RNF215: variants seen among roughly 807,000 people sequenced by gnomAD.
RNF215 encodes the protein ring finger protein 215.
RNF215 carries 41 observed loss-of-function variants against 44.8 expected under a neutral mutation model. That is an observed-to-expected ratio of 0.92 (90% CI 0.71 to 1.19). The LOEUF (loss-of-function observed/expected upper bound fraction) is 1.19, where lower values mean the gene tolerates loss of function less well. Among genes scored for constraint, RNF215 ranks in the 50% most tolerant of loss-of-function variants. The pLI is 0.00. For missense variants in RNF215, 452 were observed against 496.2 expected, an observed-to-expected ratio of 0.91 and a Z score of 0.85; for synonymous variants, 218 against 230.1, an observed-to-expected ratio of 0.95 and a Z score of 0.48.
Position 30,387,269 on chromosome 22 carries a change from A to G in RNF215, c.45T>C (p.Pro15=), listed in dbSNP as rs886712490. Reference sequence around the variant, plus strand: ...GCAGCGGAGACGGAGGCGGCGGCGGAGGCGGCGGCGGCGATCTCAGCGCGG... The same window carrying G: ...GCAGCGGAGACGGAGGCGGCGGCGGGGGCGGCGGCGGCGATCTCAGCGCGG... ...ARPALRSPPP[P]PPPPPSPLLL... is the part of the protein sequence containing the mutation. The change falls in exon 1 of 9, where the codon CCT becomes CCC. Residue 15 remains proline (P), a synonymous_variant. Transcript: ENST00000382363. 1.9e-6 allele frequency: 2 copies of G among 1,053,006 alleles called. No homozygotes were observed. The highest frequency in any genetic ancestry group is 2.3e-6 in the Non-Finnish European group (2 of 873,222). 65.2% of individuals were successfully genotyped at this position (1,053,006 alleles called of 1,614,324 possible).
At chr22:30,383,458 T>C (rs1933555054) in intron 5 of RNF215, among the ~76,000 whole-genome samples, 1 of 151,952 alleles carries the variant, frequency 6.6e-6, no homozygotes, top group Non-Finnish European at 1.5e-5. Flanking sequence ...GCCAGAGAGG[T>C]GAAACTCCCA....
chr22:30,384,425 A>G lies in RNF215; in HGVS notation c.658T>C (p.Leu220=), dbSNP rs1448905247. The G allele has an allele frequency of 6.2e-7, 1 of 1,614,032 alleles. No individual in the cohort carries two copies. Among genetic ancestry groups the G allele is most frequent in the Non-Finnish European group, 8.5e-7 (1 of 1,179,984 alleles). The change falls in exon 5 of 9, where the codon TTG becomes CTG. Residue 220 remains leucine (L), a synonymous_variant. Transcript: ENST00000382363. ...LSANIEWKLT[L]WTTCGLSKDG... Reference sequence around the variant, plus strand: ...TTGGAGAGGCCACAGGTGGTCCACAAGGTCAACTTCCACTCGATATTGGCA... The same window carrying G: ...TTGGAGAGGCCACAGGTGGTCCACAGGGTCAACTTCCACTCGATATTGGCA...
chr22:30,384,427 G>C lies in RNF215; in HGVS notation c.656C>G (p.Thr219Ser). The C allele has an allele frequency of 6.2e-7, 1 of 1,614,048 alleles. No individual in the cohort carries two copies. The highest frequency in any genetic ancestry group is 8.5e-7 in the Non-Finnish European group (1 of 1,179,976). Residue 219 changes from threonine (T) to serine (S), a missense_variant, in exon 5 of 9, where the codon ACC (threonine) becomes AGC (serine). Physicochemically the swap from Thr to Ser is moderately conservative, Grantham distance 58. Transcript: ENST00000382363. Reference sequence around the variant, plus strand: ...GGAGAGGCCACAGGTGGTCCACAAGGTCAACTTCCACTCGATATTGGCAGA... The same window carrying C: ...GGAGAGGCCACAGGTGGTCCACAAGCTCAACTTCCACTCGATATTGGCAGA... Reference protein sequence around the residue: ...SLSANIEWKLTLWTTCGLSKD... With the variant: ...SLSANIEWKLSLWTTCGLSKD...
At position 30,379,400 on chromosome 22, in the gene RNF215, GC is replaced by G. The variant is rs147043290; in HGVS notation, c.*199del. The G allele has an allele frequency of 5.4e-4, 344 of 640,392 alleles. No individual in the cohort carries two copies. The highest frequency in any genetic ancestry group is 4.0e-3 in the African/African-American group (220 of 54,766). 39.7% of individuals were successfully genotyped at this position (640,392 alleles called of 1,614,324 possible). A position where few individuals can be genotyped will look rare whatever the true frequency, so the allele number is the denominator to read the frequency against. ...TCTCTTCCTTGACTGACAGGTCCCA[GC>G]CCTAGATCCTCAGTCTGAAGCTGTG... On this transcript the variant is annotated 3_prime_UTR_variant, in exon 9 of 9. Transcript: ENST00000382363.
chr22:30,379,699 C>G lies in RNF215; in HGVS notation c.1111+12G>C, dbSNP rs1323291318. On this transcript the variant is annotated intron_variant, in intron 8 of 8. Coordinates refer to ENST00000382363, the MANE Select transcript of RNF215 (RefSeq NM_001017981.2). Reference sequence around the variant, plus strand: ...GCAGAGTAGGCCGAGGGACCCCACCCCTGGTGCTCACCCAGGACGTTGAAT... The same window carrying G: ...GCAGAGTAGGCCGAGGGACCCCACCGCTGGTGCTCACCCAGGACGTTGAAT... 3.9e-6 allele frequency: 6 copies of G among 1,554,072 alleles called. No individual in the cohort carries two copies. The highest frequency in any genetic ancestry group is 5.2e-6 in the Non-Finnish European group (6 of 1,148,416).
intron 7 of RNF215, 42 bp from the exon 8 acceptor site, chr22:30,379,855 G>A (rs780941236): frequency 1.9e-6 from 3 of 1,557,304 alleles, no homozygotes; most frequent in Non-Finnish European, 2.6e-6. Context: ...ACCGAAGCAG[G>A]ACTCCACGTG....
At chr22:30,379,917 G>A (rs1054532915) in intron 7 of RNF215, 104 bp from the exon 8 acceptor site, 14 of 1,512,722 alleles carry the variant, frequency 9.3e-6, no homozygotes, top group East Asian at 4.5e-5. Context: ...GAAACCTCAC[G>A]GCTTCCCCCA....
chr22:30,380,568 T>C lies in RNF215; in HGVS notation c.745-167A>G, dbSNP rs149777844. ...TCTGAAGGCTCCGTCTCTTCCATTG[T>C]GTGCTTCTCAGGATCACTCACTCTG... On this transcript the variant is annotated intron_variant, in intron 5 of 8. Transcript: ENST00000382363. This position sits in a 1 kb window ranked among gnomAD's most constrained non-coding sequence, Gnocchi z 5.3. 6.6e-6 allele frequency among the ~76,000 whole-genome samples: 1 copy of C among 152,128 alleles called. No homozygotes were observed. The highest frequency in any genetic ancestry group is 1.9e-4 in the East Asian group (1 of 5,168).
chr22:30,382,439 C>T (rs1933542844), intron 5 of RNF215, among the ~76,000 whole-genome samples: 1 of 151,908 alleles, frequency 6.6e-6, no homozygotes, highest in African/African-American at 2.4e-5. Context: ...GACAGAATAC[C>T]CTTGAATGCC....
intron 2 of RNF215, 128 bp downstream of exon 2, chr22:30,386,488 G>C: frequency 8.5e-7 from 1 of 1,177,378 alleles, no homozygotes; most frequent in Non-Finnish European, 1.2e-6. Context: ...TCAAACTGGG[G>C]TGCCCTGACC....
rs1284581036 is a variant in RNF215 at position 30,380,410 on chromosome 22, G to A, written c.745-9C>T. The A allele has an allele frequency of 6.3e-7, 1 of 1,597,408 alleles. No homozygotes were observed. Among genetic ancestry groups the A allele is most frequent in the Non-Finnish European group, 8.5e-7 (1 of 1,170,916 alleles). Reference sequence around the variant, plus strand: ...AGCTGCTGCAGGGGTTTCTGGGGAGGGAAGCAGTCATCAGGGACATGGGGC... The same window carrying A: ...AGCTGCTGCAGGGGTTTCTGGGGAGAGAAGCAGTCATCAGGGACATGGGGC... On this transcript the variant is annotated splice_polypyrimidine_tract_variant and intron_variant, in intron 5 of 8. Coordinates refer to ENST00000382363, the MANE Select transcript of RNF215 (RefSeq NM_001017981.2). The surrounding 1 kb of genome is among the most constrained non-coding windows in gnomAD (Gnocchi z 5.3).
chr22:30,385,843 G>A, intron 4 of RNF215, 61 bp downstream of exon 4: 1 of 1,490,794 alleles, frequency 6.7e-7, no homozygotes, highest in South Asian at 1.1e-5. Flanking sequence ...CTCAGTCCAT[G>A]GGAGAACCAG....
chr22:30,384,455 G>T lies in RNF215; in HGVS notation c.628C>A (p.Leu210Met). ...AACTTCCACTCGATATTGGCAGACA[G>T]GGACTCTCCGCTGGTGATCTCAGCC... ...ATAEITSGES[L>M]SANIEWKLTL... Residue 210 changes from leucine to methionine, a missense_variant, in exon 5 of 9, where the codon CTG (leucine) becomes ATG (methionine). By Grantham distance (15) the Leu-to-Met change is conservative. Coordinates refer to ENST00000382363, the MANE Select transcript of RNF215 (RefSeq NM_001017981.2). 2 of 1,614,076 alleles carry T rather than the reference G, an allele frequency of 1.2e-6. No homozygotes were observed. Among genetic ancestry groups the T allele is most frequent in the African/African-American group, 2.7e-5 (2 of 75,042 alleles).
Position 30,380,180 on chromosome 22 carries a change from A to C in RNF215, c.890T>G (p.Val297Gly), listed in dbSNP as rs1159543945. ...TGTCTTGAGGGATGCCAGTCTCCGC[A>C]CCACGCGGCGCTTAAACAGGTCCAC... ...GQVDLFKRRV[V>G]RRLASLKTRR... The change falls in exon 7 of 9, where the codon GTG becomes GGG. Residue 297 changes from valine to glycine, a missense_variant. Transcript: ENST00000382363. The surrounding 1 kb of genome is among the most constrained non-coding windows in gnomAD (Gnocchi z 5.3). 6.2e-7 allele frequency: 1 copy of C among 1,613,806 alleles called. No homozygotes were observed. Among genetic ancestry groups the C allele is most frequent in the South Asian group, 1.1e-5 (1 of 91,074 alleles).
At position 30,384,466 on chromosome 22, in the gene RNF215, CT is replaced by C. The variant is rs1198996366; in HGVS notation, c.616del (p.Ser206AlafsTer13). Reference sequence around the variant, plus strand: ...GATATTGGCAGACAGGGACTCTCCGCTGGTGATCTCAGCCGTGGCCTGGGTC... The same window carrying C: ...GATATTGGCAGACAGGGACTCTCCGCGGTGATCTCAGCCGTGGCCTGGGTC... ...QRTQATAEITSGESLSANIEW... is the reference protein window; with the variant it reads ...QRTQATAEITXGESLSANIEW... On this transcript the variant is annotated frameshift_variant, in exon 5 of 9. Coordinates refer to ENST00000382363, the MANE Select transcript of RNF215 (RefSeq NM_001017981.2). LOFTEE classifies it high-confidence loss of function. The C allele has an allele frequency of 1.2e-6, 2 of 1,614,030 alleles. No individual in the cohort carries two copies. The highest frequency in any genetic ancestry group is 1.7e-6 in the Non-Finnish European group (2 of 1,179,976).
chr22:30,386,501 C>T lies in RNF215; in HGVS notation c.429+115G>A, dbSNP rs541166013. 7 of 1,352,956 alleles carry T rather than the reference C, an allele frequency of 5.2e-6. No individual in the cohort carries two copies. The South Asian group carries it at 5.6e-5, about 11-fold the overall frequency. The allele number at this position is 1,352,956 out of a possible 1,614,324, so 83.8% of individuals were successfully genotyped here. On this transcript the variant is annotated intron_variant, in intron 2 of 8. Coordinates refer to ENST00000382363, the MANE Select transcript of RNF215 (RefSeq NM_001017981.2). ...CTTCAAACTGGGGTGCCCTGACCCA[C>T]CAGGCCTAGGGCTTCTCTGCAAGCT... is the stretch of plus-strand genomic sequence containing the variant.
intron 5 of RNF215, 49 bp downstream of exon 5, chr22:30,384,290 C>T (rs1177298996): frequency 1.9e-6 from 3 of 1,575,192 alleles, no homozygotes; most frequent in Non-Finnish European, 2.6e-6. Flanking sequence ...ATGTATATGG[C>T]CCCACGAGCC....
Position 30,386,700 on chromosome 22 carries a change from G to T in RNF215, c.345C>A (p.Tyr115Ter), listed in dbSNP as rs138508585. 8 of 1,611,668 alleles carry T rather than the reference G, an allele frequency of 5.0e-6. No individual in the cohort carries two copies. The highest frequency in any genetic ancestry group is 6.8e-6 in the Non-Finnish European group (8 of 1,179,990). Residue 115 changes from tyrosine to a stop codon, truncating the protein, a stop_gained, in exon 2 of 9, where the codon TAC becomes TAA. Transcript: ENST00000382363. LOFTEE classifies it high-confidence loss of function. Reference sequence around the variant, plus strand: ...ACTGGGCCGCCTGCTCCTTGCCCACGTATGCCACTGCAATCCAGCCTTCCA... The same window carrying T: ...ACTGGGCCGCCTGCTCCTTGCCCACTTATGCCACTGCAATCCAGCCTTCCA... ...APVEGWIAVA[Y>*]VGKEQAAQFH...
In RNF215 at chr22:30,387,061, G is replaced by A. The variant is rs1247545343; in HGVS notation, c.253C>T (p.Pro85Ser). 1.9e-6 allele frequency: 3 copies of A among 1,542,868 alleles called. No individual in the cohort carries two copies. The highest frequency in any genetic ancestry group is 2.6e-6 in the Non-Finnish European group (3 of 1,150,088). ...AGACGACCGCCCAGCAGGGGCGCCG[G>A]GTCGGCTTCGGAGCCGATCCTGACG... ...EGVRIGSEAD[P>S]APLLGGRLLL... Residue 85 changes from proline (P) to serine (S), a missense_variant, in exon 1 of 9, where the codon CCG becomes TCG. Transcript: ENST00000382363.
Sources: allele counts gnomAD v4.1 joint callset (sites outside exome capture counted in the v4.1 genomes callset), GRCh38; gene constraint gnomAD v4.1.1; non-coding constraint Gnocchi (gnomAD v3.1); transcripts MANE v1.5; gene names NCBI Gene and HGNC (gene_info 2026-07-23, HGNC 2026-07-21).